CTNND1: variants seen among roughly 807,000 people sequenced by gnomAD.
The protein encoded by CTNND1 is catenin delta-1.
A neutral mutation model predicts 112.1 loss-of-function variants in CTNND1; 16 were observed. That is an observed-to-expected ratio of 0.14 (90% CI 0.10 to 0.22). The LOEUF is 0.22. CTNND1 is among the 10% of genes least tolerant of loss of function. The pLI, the probability that CTNND1 is intolerant of heterozygous loss-of-function variation, is 1.00. For synonymous variants in CTNND1, 420 were observed against 446.5 expected (o/e 0.94, Z 0.75); for missense variants, 1,008 against 1,257.0 (o/e 0.80, Z 3.00).
chr11:57,808,372 T>A lies in CTNND1; in HGVS notation c.2092-18T>A. ...GCCATTTGTAATTTGTTCCACCCCT[T>A]TCTATTTGCTATTCTAGTATGGTCG... On this transcript the variant is annotated intron_variant, in intron 13 of 20. Transcript: ENST00000399050. 1 of 1,598,654 alleles carries A rather than the reference T, an allele frequency of 6.3e-7. No individual in the cohort carries two copies. Among genetic ancestry groups the A allele is most frequent in the Non-Finnish European group, 8.6e-7 (1 of 1,167,558 alleles).
At chr11:57,782,665 T>G (rs2059700815) in intron 1 of CTNND1, among the ~76,000 whole-genome samples, 1 of 152,220 alleles carries the variant, frequency 6.6e-6, no homozygotes, top group South Asian at 2.1e-4. Flanking sequence ...TATAGTTCAT[T>G]ATGTACAGAT....
intron 1 of CTNND1, among the ~76,000 whole-genome samples, chr11:57,783,723 G>A (rs191047808): frequency 5.1e-4 from 77 of 152,120 alleles, no homozygotes; most frequent in African/African-American, 1.9e-3. Flanking sequence ...AAACAAAATG[G>A]CAAGTTTGTT....
At chr11:57,800,731 A>G (rs1380694058) in intron 6 of CTNND1, among the ~76,000 whole-genome samples, 1 of 152,182 alleles carries the variant, frequency 6.6e-6, no homozygotes, top group African/African-American at 2.4e-5. Context: ...TAGAACAAAC[A>G]ATGGCTTATT....
chr11:57,795,860 C>T, intron 5 of CTNND1, 131 bp downstream of exon 5: 1 of 999,338 alleles, frequency 1.0e-6, no homozygotes, highest in Admixed American at 3.3e-5. Flanking sequence ...GAAGTGATCT[C>T]TGGCCAGATA....
intron 2 of CTNND1, 105 bp downstream of exon 2, chr11:57,789,260 C>G: frequency 1.3e-6 from 1 of 747,032 alleles, no homozygotes; most frequent in Non-Finnish European, 2.0e-6. Flanking sequence ...TTTTAAATAC[C>G]TTTTTTCTTT....
intron 1 of CTNND1, among the ~76,000 whole-genome samples, chr11:57,780,078 G>GTTTTTTTTTTTT (rs2059417714): frequency 8.7e-6 from 1 of 114,656 alleles, no homozygotes. Flanking sequence ...TTTTGAGACA[G>GTTTTTTTTTTTT]GGTCTTACTC....
intron 1 of CTNND1, among the ~76,000 whole-genome samples, chr11:57,773,416 A>T (rs1233859621): frequency 6.7e-6 from 1 of 149,454 alleles, no homozygotes; most frequent in Admixed American, 6.7e-5. Context: ...TACAGGCATG[A>T]GTCACTGTGG....
chr11:57,807,430 AC>A (rs2062817343), intron 12 of CTNND1, among the ~76,000 whole-genome samples: 1 of 152,026 alleles, frequency 6.6e-6, no homozygotes, highest in Admixed American at 6.6e-5. Context: ...ACATGGTGAA[AC>A]CCTGTCTCTA....
At chr11:57,802,930 CAG>C (rs1177402070) in intron 7 of CTNND1, among the ~76,000 whole-genome samples, 1 of 152,112 alleles carries the variant, frequency 6.6e-6, no homozygotes, top group African/African-American at 2.4e-5. Context: ...TAACTTGGAA[CAG>C]GGGAGAGGGA....
At chr11:57,798,088 C>T (rs2061564905) in intron 6 of CTNND1, among the ~76,000 whole-genome samples, 1 of 152,036 alleles carries the variant, frequency 6.6e-6, no homozygotes, top group Admixed American at 6.6e-5. Flanking sequence ...GTGTCTCACG[C>T]TTGTAATCCC....
chr11:57,816,121 C>T, intron 20 of CTNND1, 120 bp downstream of exon 20: 8 of 1,138,274 alleles, frequency 7.0e-6, no homozygotes, highest in Non-Finnish European at 1.0e-5. Flanking sequence ...CCACATGGGG[C>T]TCGAGGGGTT....
rs972097770 is a variant in CTNND1 at position 57,788,696 on chromosome 11, T to C, written c.-213-341T>C. Reference sequence around the variant, plus strand: ...GGGTGGGAAGGGAGGGGGAAGGGCATTCCAACAGCAGTTTTTTTCTTTTTC... The same window carrying C: ...GGGTGGGAAGGGAGGGGGAAGGGCACTCCAACAGCAGTTTTTTTCTTTTTC... On this transcript the variant is annotated intron_variant, in intron 1 of 20. Transcript: ENST00000399050. The surrounding 1 kb of genome is among the most constrained non-coding windows in gnomAD (Gnocchi z 4.1). 1.3e-5 allele frequency among the ~76,000 whole-genome samples: 2 copies of C among 152,132 alleles called. No homozygotes were observed. The highest frequency in any genetic ancestry group is 2.9e-5 in the Non-Finnish European group (2 of 68,018).
chr11:57,776,029 G>A (rs1036808167), intron 1 of CTNND1, among the ~76,000 whole-genome samples: 7 of 152,220 alleles, frequency 4.6e-5, no homozygotes, highest in African/African-American at 1.2e-4. Flanking sequence ...ATTTGACACG[G>A]AGCGGGGTAA....
In CTNND1 at chr11:57,783,421, A is replaced by T. The variant is rs2059796613; in HGVS notation, c.-213-5616A>T. 3.9e-5 allele frequency among the ~76,000 whole-genome samples: 6 copies of T among 152,332 alleles called. No homozygotes were observed. The South Asian group carries it at 1.2e-3, about 32-fold the overall frequency. ...ACGCCTGTAATCCCAGCACTTTGGAAGGCCGCGGCGGGTGGATCACGAGGT... is the reference window on the plus strand; with the variant it reads ...ACGCCTGTAATCCCAGCACTTTGGATGGCCGCGGCGGGTGGATCACGAGGT... On this transcript the variant is annotated intron_variant, in intron 1 of 20. Coordinates refer to ENST00000399050, the MANE Select transcript of CTNND1 (RefSeq NM_001085458.2).
Position 57,801,984 on chromosome 11 carries a change from A to T in CTNND1, c.1208A>T (p.Asp403Val). Reference protein sequence around the residue: ...LCYRNDKVKTDVRKLKGIPVL... With the variant: ...LCYRNDKVKTVVRKLKGIPVL... ...TACCGCAATGACAAGGTGAAGACTGACGTGCGGAAGCTCAAGGGCATCCCA... is the reference window on the plus strand; with the variant it reads ...TACCGCAATGACAAGGTGAAGACTGTCGTGCGGAAGCTCAAGGGCATCCCA... The change falls in exon 7 of 21, where the codon GAC (aspartate) becomes GTC (valine). Residue 403 changes from aspartate to valine, a missense_variant. Around this residue, in one of 5 missense-constraint regions of CTNND1, gnomAD observed 216 missense variants for 342.8 expected, o/e 0.63. Transcript: ENST00000399050. 6.2e-7 allele frequency: 1 copy of T among 1,614,044 alleles called. No individual in the cohort carries two copies. Among genetic ancestry groups the T allele is most frequent in the Non-Finnish European group, 8.5e-7 (1 of 1,179,894 alleles).
chr11:57,791,091 A>C (rs2060689369), intron 2 of CTNND1, among the ~76,000 whole-genome samples: 1 of 152,154 alleles, frequency 6.6e-6, no homozygotes, highest in Non-Finnish European at 1.5e-5. Flanking sequence ...AAAATAATCC[A>C]ATCTCATAAC....
intron 1 of CTNND1, among the ~76,000 whole-genome samples, chr11:57,775,331 CG>C (rs1398791325): frequency 7.3e-5 from 7 of 95,574 alleles, no homozygotes; most frequent in Admixed American, 1.4e-4. Context: ...GACCCCGTCT[CG>C]AAAAAAAAAA....
intron 7 of CTNND1, among the ~76,000 whole-genome samples, chr11:57,803,117 G>GA (rs2062202264): frequency 6.6e-6 from 1 of 151,868 alleles, no homozygotes; most frequent in Non-Finnish European, 1.5e-5. Context: ...AGTTTTGTTT[G>GA]TTTTTTTTGA....
At chr11:57,786,924 G>T (rs1365797131) in intron 1 of CTNND1, among the ~76,000 whole-genome samples, 1 of 152,132 alleles carries the variant, frequency 6.6e-6, no homozygotes, top group Non-Finnish European at 1.5e-5. Flanking sequence ...CCATCCATCT[G>T]GTACTGACTG....
Sources: gnomAD v4.1 joint callset for allele counts (sites outside exome capture counted in the v4.1 genomes callset) on GRCh38, gnomAD v4.1.1 for gene constraint, gnomAD v4.1.1 regional missense constraint, Gnocchi (gnomAD v3.1) non-coding constraint, MANE v1.5 for transcripts, NCBI Gene and HGNC (gene_info 2026-07-23, HGNC 2026-07-21) for gene names.